The following SMURF1 variants were observed in gnomAD, a reference collection of about 807,000 sequenced individuals.
SMURF1 encodes E3 ubiquitin-protein ligase SMURF1.
SMURF1 carries 44 observed loss-of-function variants against 98.0 expected under a neutral mutation model. The ratio of observed to expected loss-of-function variants is 0.45; its 90% CI spans 0.35 to 0.58. The LOEUF is 0.58. SMURF1 is among the 20% of genes least tolerant of loss of function. The probability of loss-of-function intolerance (pLI) is 0.00; values close to 1 mark genes in which losing one functional copy is unlikely to be tolerated. For missense variants in SMURF1, 687 were observed against 938.4 expected, an observed-to-expected ratio of 0.73 and a Z score of 3.50; for synonymous variants, 396 against 374.9, an observed-to-expected ratio of 1.06 and a Z score of -0.65.
intron 6 of SMURF1, 121 bp downstream of exon 6, chr7:99,054,669 C>T: frequency 1.3e-6 from 1 of 799,224 alleles, no homozygotes. Context: ...TTTATCCCAA[C>T]ATCCTTTATG....
intron 1 of SMURF1, among the ~76,000 whole-genome samples, chr7:99,101,353 T>C (rs955126919): frequency 3.3e-5 from 5 of 151,964 alleles, no homozygotes; most frequent in Non-Finnish European, 4.4e-5. Context: ...GCATGGGTGA[T>C]AGAACAAGAC....
At chr7:99,076,786 CAT>C (rs1023131602) in intron 1 of SMURF1, among the ~76,000 whole-genome samples, 6 of 152,062 alleles carry the variant, frequency 3.9e-5, no homozygotes, top group African/African-American at 1.2e-4. Flanking sequence ...TGCGTATGTA[CAT>C]GTGTGTGTGC....
chr7:99,052,072 C>T, intron 7 of SMURF1, 133 bp downstream of exon 7: 3 of 1,274,504 alleles, frequency 2.4e-6, no homozygotes, highest in Non-Finnish European at 3.1e-6. Flanking sequence ...GAGGTCAAGG[C>T]TGCCGTGAGC....
rs988320755 is a variant in SMURF1 at position 99,057,208 on chromosome 7, C to T, written c.400G>A (p.Val134Met). ...ACACAGACAAGAAAGTTCTTACCCA[C>T]TATCTGGCCACGAACTGCATCAGTA... ...SDTDAVRGQI[V>M]VSLQTRDRIG... Residue 134 changes from valine to methionine, a missense_variant, in exon 5 of 18, where the codon GTG (valine) becomes ATG (methionine). Physicochemically the swap from Val to Met is conservative, Grantham distance 21 (BLOSUM62 1). Transcript: ENST00000361368. 3.1e-6 allele frequency: 5 copies of T among 1,613,880 alleles called. No individual in the cohort carries two copies. Among genetic ancestry groups the T allele is most frequent in the Non-Finnish European group, 4.2e-6 (5 of 1,179,860 alleles).
intron 1 of SMURF1, among the ~76,000 whole-genome samples, chr7:99,087,694 A>G (rs1027217293): frequency 1.3e-5 from 2 of 152,148 alleles, no homozygotes; most frequent in Non-Finnish European, 2.9e-5. Flanking sequence ...CGCGCACATT[A>G]AATGACTCCT....
Position 99,030,563 on chromosome 7 carries a change from T to G in SMURF1, c.*21A>C. 1 of 1,610,138 alleles carries G rather than the reference T, an allele frequency of 6.2e-7. No homozygotes were observed. Among genetic ancestry groups the G allele is most frequent in the Non-Finnish European group, 8.5e-7 (1 of 1,176,466 alleles). On this transcript the variant is annotated 3_prime_UTR_variant, in exon 18 of 18. Transcript: ENST00000361368. ...TTGGTCTGGTGGCCATGAGCTAGAC[T>G]CTGTTGCCTTTGGTTGCTTTTCACT... is the stretch of plus-strand genomic sequence containing the variant.
chr7:99,063,659 A>G (rs1796120616), intron 1 of SMURF1, among the ~76,000 whole-genome samples: 1 of 152,004 alleles, frequency 6.6e-6, no homozygotes, highest in South Asian at 2.1e-4. Context: ...TAGTATACTC[A>G]TGGGTGGGAC....
chr7:99,052,101 C>T (rs1795767673), intron 7 of SMURF1, 104 bp downstream of exon 7: 33 of 1,441,460 alleles, frequency 2.3e-5, no homozygotes, highest in Non-Finnish European at 2.8e-5. Context: ...TGCCACTGCA[C>T]TCCAGCATGG....
intron 1 of SMURF1, among the ~76,000 whole-genome samples, chr7:99,085,867 G>C (rs976431363): frequency 6.6e-6 from 1 of 152,106 alleles, no homozygotes; most frequent in African/African-American, 2.4e-5. Flanking sequence ...TTTTCAGATT[G>C]ACTTCTTTCA....
At chr7:99,130,471 A>C (rs543663358) in intron 1 of SMURF1, among the ~76,000 whole-genome samples, 47 of 152,306 alleles carry the variant, frequency 3.1e-4, no homozygotes, top group African/African-American at 1.1e-3. Flanking sequence ...AAAAACAAAA[A>C]GTCCCAAATA....
At chr7:99,138,749 A>G (rs1798050476) in intron 1 of SMURF1, among the ~76,000 whole-genome samples, 1 of 152,256 alleles carries the variant, frequency 6.6e-6, no homozygotes, top group Admixed American at 6.5e-5. Context: ...GATTTGAAAA[A>G]AGAAAGTTGT....
intron 1 of SMURF1, among the ~76,000 whole-genome samples, chr7:99,086,879 AAGT>A (rs1796692562): frequency 6.6e-6 from 1 of 152,224 alleles, no homozygotes. Flanking sequence ...TATATAAAGA[AAGT>A]AGATTAGTGG....
At chr7:99,049,090 CAAAAAA>C in intron 9 of SMURF1, 2 of 65,904 alleles carry the variant, frequency 3.0e-5, no homozygotes, top group Non-Finnish European at 6.4e-5. Flanking sequence ...GACTCTGTCT[CAAAAAA>C]AAAAAAAAAA....
chr7:99,034,671 A>G (rs1418028924), intron 16 of SMURF1, among the ~76,000 whole-genome samples: 2 of 152,178 alleles, frequency 1.3e-5, no homozygotes, highest in Admixed American at 1.3e-4. Flanking sequence ...AGCAGCTGTC[A>G]TGGTCAGGCA....
intron 1 of SMURF1, among the ~76,000 whole-genome samples, chr7:99,098,678 G>A (rs1485992762): frequency 6.6e-6 from 1 of 151,964 alleles, no homozygotes; most frequent in Non-Finnish European, 1.5e-5. Flanking sequence ...TAAGCTATGG[G>A]GCAACTAAAA....
At chr7:99,053,539 T>C (rs1296212168) in intron 6 of SMURF1, among the ~76,000 whole-genome samples, 1 of 152,230 alleles carries the variant, frequency 6.6e-6, no homozygotes, top group African/African-American at 2.4e-5. Context: ...TCAAGTTTGT[T>C]TGAATATGAA....
At chr7:99,098,644 G>A (rs527570942) in intron 1 of SMURF1, among the ~76,000 whole-genome samples, 3 of 152,100 alleles carry the variant, frequency 2.0e-5, no homozygotes, top group African/African-American at 7.2e-5. Context: ...GCACCACAGT[G>A]CACTGAGAAA....
chr7:99,096,875 G>C (rs1796966475), intron 1 of SMURF1, among the ~76,000 whole-genome samples: 1 of 152,076 alleles, frequency 6.6e-6, no homozygotes, highest in Non-Finnish European at 1.5e-5. Context: ...GTACAAAATG[G>C]AACATTTATA....
At chr7:99,084,357 T>A (rs554511184) in intron 1 of SMURF1, among the ~76,000 whole-genome samples, 4 of 152,322 alleles carry the variant, frequency 2.6e-5, no homozygotes, top group African/African-American at 9.6e-5. Context: ...CTCAGCTCAC[T>A]GCAACCTCCG....
Sources: gnomAD v4.1 joint callset for allele counts (sites outside exome capture counted in the v4.1 genomes callset) on GRCh38, gnomAD v4.1.1 for gene constraint, MANE v1.5 for transcripts, NCBI Gene and HGNC (gene_info 2026-07-23, HGNC 2026-07-21) for gene names.